The following NREP variants were observed in gnomAD, a reference collection of about 807,000 sequenced individuals.
NREP encodes the protein neuronal regeneration related protein, also known as neuronal regeneration-related protein.
Under a neutral mutation model 8.6 loss-of-function variants are expected in NREP, and 5 were observed. That is an observed-to-expected ratio of 0.58 (90% CI 0.30 to 1.22). NREP has a LOEUF of 1.22. Ranked by LOEUF, NREP falls within the 50% of genes most tolerant of loss-of-function variation. NREP has a pLI of 0.07. For synonymous variants in NREP, 27 were observed against 28.0 expected (o/e 0.96, Z 0.11); for missense variants, 86 against 82.5 (o/e 1.04, Z -0.17).
intron 2 of NREP, among the ~76,000 whole-genome samples, chr5:111,782,760 A>T (rs1297277190): frequency 2.0e-5 from 3 of 150,562 alleles, no homozygotes; most frequent in African/African-American, 7.3e-5. Flanking sequence ...TTTTTTTGAC[A>T]GTCTCGCTCT....
At position 111,731,022 on chromosome 5, in the gene NREP, C is replaced by T. The variant is rs748197902; in HGVS notation, c.106G>A (p.Val36Met). Residue 36 changes from valine (V) to methionine (M), a missense_variant, in exon 4 of 4, where the codon GTG (valine) becomes ATG (methionine). Coordinates refer to ENST00000257435, the MANE Select transcript of NREP (RefSeq NM_004772.4). ...GTCTCATCGTTCTTCTTGCGGTTCACTTCCTTTGGGACAGGAAGTCTTCCC... is the reference window on the plus strand; with the variant it reads ...GTCTCATCGTTCTTCTTGCGGTTCATTTCCTTTGGGACAGGAAGTCTTCCC... The part of the protein sequence containing the change: ...PKGRLPVPKE[V>M]NRKKNDETNA... 1 of 1,613,950 alleles carries T rather than the reference C, an allele frequency of 6.2e-7. No homozygotes were observed. The highest frequency in any genetic ancestry group is 8.5e-7 in the Non-Finnish European group (1 of 1,179,866).
chr5:111,811,587 C>CT (rs1201867433), intron 2 of NREP, among the ~76,000 whole-genome samples: 1 of 152,198 alleles, frequency 6.6e-6, no homozygotes, highest in African/African-American at 2.4e-5. Flanking sequence ...CATATCAAAG[C>CT]ACAAACTCAT....
intron 2 of NREP, chr5:111,755,500 G>A (rs761026650): frequency 1.5e-5 from 7 of 458,010 alleles, no homozygotes; most frequent in Non-Finnish European, 2.4e-5. Flanking sequence ...AATAGTTTCT[G>A]TTGTTCAAAT....
intron 2 of NREP, among the ~76,000 whole-genome samples, chr5:111,927,361 A>C (rs928108188): frequency 6.6e-5 from 10 of 152,142 alleles, no homozygotes; most frequent in African/African-American, 2.2e-4. Context: ...CAATCCAAAA[A>C]AGAATGACCA....
chr5:111,832,702 A>C (rs1752801783), intron 2 of NREP, among the ~76,000 whole-genome samples: 1 of 152,216 alleles, frequency 6.6e-6, no homozygotes, highest in Admixed American at 6.5e-5. Flanking sequence ...TTTTACTGAG[A>C]AATCTTAGAA....
At chr5:111,806,104 CTT>C (rs1471748250) in intron 2 of NREP, among the ~76,000 whole-genome samples, 4 of 152,100 alleles carry the variant, frequency 2.6e-5, no homozygotes, top group Admixed American at 2.0e-4. Context: ...TCTTGCCTCT[CTT>C]CTGTGGGTTT....
At chr5:111,961,137 C>T (rs1424995928) in intron 2 of NREP, among the ~76,000 whole-genome samples, 1 of 151,890 alleles carries the variant, frequency 6.6e-6, no homozygotes, top group Non-Finnish European at 1.5e-5. Flanking sequence ...GGTGACAAGA[C>T]TTTTCAAGGC....
chr5:111,774,343 G>C (rs1171039924), intron 2 of NREP, among the ~76,000 whole-genome samples: 1 of 152,088 alleles, frequency 6.6e-6, no homozygotes, highest in Non-Finnish European at 1.5e-5. Context: ...GGCTGCCAAA[G>C]ATGTCCACAT....
chr5:111,852,305 A>T (rs972415051), intron 2 of NREP, among the ~76,000 whole-genome samples: 1 of 152,082 alleles, frequency 6.6e-6, no homozygotes, highest in African/African-American at 2.4e-5. Context: ...TTGCTGTTGC[A>T]TCAGAGCCTC....
At chr5:111,786,638 G>T (rs1751618844) in intron 2 of NREP, among the ~76,000 whole-genome samples, 2 of 152,130 alleles carry the variant, frequency 1.3e-5, no homozygotes, top group African/African-American at 4.8e-5. Flanking sequence ...GATATGTCAG[G>T]TATTCAATGT....
At chr5:111,858,513 A>G (rs1256996567) in intron 2 of NREP, among the ~76,000 whole-genome samples, 1 of 152,116 alleles carries the variant, frequency 6.6e-6, no homozygotes, top group Non-Finnish European at 1.5e-5. Flanking sequence ...TTTAGCAAAC[A>G]TAAGAATTTA....
intron 2 of NREP, among the ~76,000 whole-genome samples, chr5:111,833,729 A>G (rs979428283): frequency 3.9e-5 from 6 of 152,158 alleles, no homozygotes; most frequent in Admixed American, 3.3e-4. Context: ...CTCTGTCAGT[A>G]AGATTGATCA....
intron 2 of NREP, among the ~76,000 whole-genome samples, chr5:111,752,004 T>C (rs568297651): frequency 1.3e-5 from 2 of 152,318 alleles, no homozygotes; most frequent in African/African-American, 4.8e-5. Flanking sequence ...AAATTAATAC[T>C]TCAAAGTATA....
chr5:111,814,309 A>G (rs1420226573), intron 2 of NREP, among the ~76,000 whole-genome samples: 1 of 152,148 alleles, frequency 6.6e-6, no homozygotes, highest in East Asian at 1.9e-4. Context: ...CAAATGTTTA[A>G]TCAAGATACA....
At chr5:111,755,487 C>A in intron 2 of NREP, 1 of 421,226 alleles carries the variant, frequency 2.4e-6, no homozygotes, top group Non-Finnish European at 4.4e-6. Flanking sequence ...TCTTAAAGAA[C>A]CGAATAGTTT....
At chr5:111,840,879 C>T (rs978064763) in intron 2 of NREP, among the ~76,000 whole-genome samples, 5 of 151,944 alleles carry the variant, frequency 3.3e-5, no homozygotes, top group Non-Finnish European at 5.9e-5. Flanking sequence ...AAGATATTTG[C>T]GCAAGGGTGT....
chr5:111,807,620 G>C (rs1461536330), intron 2 of NREP, among the ~76,000 whole-genome samples: 1 of 152,046 alleles, frequency 6.6e-6, no homozygotes, highest in Admixed American at 6.5e-5. Flanking sequence ...AGATACTAGA[G>C]TGAAAGGTAG....
chr5:111,734,655 T>C lies in NREP; in HGVS notation c.81+775A>G, dbSNP rs1581030631. The C allele has an allele frequency of 1.5e-5, 10 of 659,286 alleles. No homozygotes were observed. In the East Asian group the frequency reaches 2.5e-4, roughly 17 times the overall value. 40.8% of individuals were successfully genotyped at this position (659,286 alleles called of 1,614,324 possible). A position where few individuals can be genotyped will look rare whatever the true frequency, so the allele number is the denominator to read the frequency against. Reference sequence around the variant, plus strand: ...TAAACATTGAAATACCAGTAACAGCTGGGGGAGGACTCACCGTTAGTCAAT... The same window carrying C: ...TAAACATTGAAATACCAGTAACAGCCGGGGGAGGACTCACCGTTAGTCAAT... On this transcript the variant is annotated intron_variant, in intron 3 of 3. Transcript: ENST00000257435.
In NREP at chr5:111,964,433, T is replaced by C. The variant is rs181155141; in HGVS notation, c.135+10841A>G. Among the ~76,000 whole-genome samples the C allele has an allele frequency of 2.3e-3, 351 of 152,260 alleles. 1 individual carries two copies. The highest frequency in any genetic ancestry group is 3.1e-3 in the Non-Finnish European group (208 of 68,012). The stretch of plus-strand genomic sequence containing the variant: ...CCCAGGCTGGAGTTCAGTGGCACCA[T>C]CTGGGCTCACTGCAACCTCGCCTCC... On this transcript the variant is annotated intron_variant, in intron 2 of 3. Transcript: ENST00000395634.
Sources: gnomAD v4.1 joint callset for allele counts (sites outside exome capture counted in the v4.1 genomes callset) on GRCh38, gnomAD v4.1.1 for gene constraint, MANE v1.5 for transcripts, NCBI Gene and HGNC (gene_info 2026-07-23, HGNC 2026-07-21) for gene names.